The following ANKMY1 variants were observed in gnomAD, a reference collection of about 807,000 sequenced individuals.
The protein encoded by ANKMY1 is ankyrin repeat and MYND domain-containing protein 1.
ANKMY1 carries 98 observed loss-of-function variants against 102.0 expected under a neutral mutation model. The ratio of observed to expected loss-of-function variants is 0.96; its 90% confidence interval spans 0.82 to 1.14. The LOEUF (loss-of-function observed/expected upper bound fraction) is 1.14, where lower values mean the gene tolerates loss of function less well. Among genes scored for constraint, ANKMY1 ranks in the 50% most tolerant of loss-of-function variants. The pLI, the probability that ANKMY1 is intolerant of heterozygous loss-of-function variation, is 0.00. For missense variants in ANKMY1, 1,330 were observed against 1,347.6 expected, an observed-to-expected ratio of 0.99 and a Z score of 0.20; for synonymous variants, 582 against 559.9, an observed-to-expected ratio of 1.04 and a Z score of -0.56.
upstream of ANKMY1, chr2:240,560,781 G>C: frequency 6.9e-7 from 1 of 1,459,456 alleles, no homozygotes; most frequent in Non-Finnish European, 9.0e-7. Flanking sequence ...GAGCGCGCGA[G>C]CCGCGGGCGC....
intron 15 of ANKMY1, among the ~76,000 whole-genome samples, chr2:240,482,900 A>G (rs1459202361): frequency 3.3e-5 from 5 of 151,950 alleles, no homozygotes; most frequent in African/African-American, 1.2e-4. Context: ...GACATTTCTG[A>G]CTATTATTGT....
rs1400426906 is a variant in ANKMY1 at position 240,555,280 on chromosome 2, G to A, written c.147-225C>T. On this transcript the variant is annotated intron_variant, in intron 2 of 17. Coordinates refer to ENST00000401804, the MANE Select transcript of ANKMY1 (RefSeq NM_001282771.3). ...TGGAATGCACAGTAAGGCTGCCAAC[G>A]GATAGGAGAGATGCTGCCAGGCTCT... 17 of 570,644 alleles carry A rather than the reference G, an allele frequency of 3.0e-5. No homozygotes were observed. The East Asian group carries it at 3.4e-4, about 12-fold the overall frequency. 35.3% of individuals were successfully genotyped at this position (570,644 alleles called of 1,614,324 possible). A position where few individuals can be genotyped will look rare whatever the true frequency, so the allele number is the denominator to read the frequency against.
intron 11 of ANKMY1, among the ~76,000 whole-genome samples, chr2:240,511,279 G>A (rs1250674802): frequency 6.6e-6 from 1 of 152,190 alleles, no homozygotes; most frequent in Non-Finnish European, 1.5e-5. Flanking sequence ...TTTGTAAGTG[G>A]GTAAACTGAG....
Position 240,553,018 on chromosome 2 carries a change from G to C in ANKMY1, c.376C>G (p.Leu126Val). 3 of 1,614,046 alleles carry C rather than the reference G, an allele frequency of 1.9e-6. No homozygotes were observed. Among genetic ancestry groups the C allele is most frequent in the Non-Finnish European group, 2.5e-6 (3 of 1,180,014 alleles). ...CCATCTGGCCACATGTAGGTACCCA[G>C]GCCATGGCAGTGGTCCCGGTAAAAC... ...GQFYRDHCHG[L>V]GTYMWPDGSS... The change falls in exon 4 of 18, where the codon CTG (leucine) becomes GTG (valine). Residue 126 changes from leucine to valine, a missense_variant. Transcript: ENST00000401804.
At chr2:240,484,375 C>T (rs532401433) in intron 15 of ANKMY1, among the ~76,000 whole-genome samples, 61 of 152,290 alleles carry the variant, frequency 4.0e-4, no homozygotes, top group Non-Finnish European at 7.6e-4. Flanking sequence ...TGGAACAGAA[C>T]AGAGGCCTCA....
chr2:240,479,464 G>T lies in ANKMY1; in HGVS notation c.*145C>A. Reference sequence around the variant, plus strand: ...CGTGGGGCCAATTTATTGCGAGGTCGCAAGGGAGACACTGCTACAAAGCAT... The same window carrying T: ...CGTGGGGCCAATTTATTGCGAGGTCTCAAGGGAGACACTGCTACAAAGCAT... On this transcript the variant is annotated 3_prime_UTR_variant, in exon 18 of 18. Coordinates refer to ENST00000401804, the MANE Select transcript of ANKMY1 (RefSeq NM_001282771.3). 1 of 988,082 alleles carries T rather than the reference G, an allele frequency of 1.0e-6. No individual in the cohort carries two copies. 61.2% of individuals were successfully genotyped at this position (988,082 alleles called of 1,614,324 possible).
rs2091572288 is a variant in ANKMY1 at position 240,551,787 on chromosome 2, AG to A, written c.480+1126del. Among the ~76,000 whole-genome samples, 4 of 152,320 alleles carry A rather than the reference AG, an allele frequency of 2.6e-5. No homozygotes were observed. The South Asian group carries it at 8.3e-4, about 32-fold the overall frequency. ...ATGGTTGAGGAACTGATAAACAAAA[AG>A]GGGGGACTGAAACCAGCCCAGTAAT... is the stretch of plus-strand genomic sequence containing the variant. On this transcript the variant is annotated intron_variant, in intron 4 of 17. Coordinates refer to ENST00000401804, the MANE Select transcript of ANKMY1 (RefSeq NM_001282771.3).
intron 10 of ANKMY1, 55 bp downstream of exon 10, chr2:240,512,747 T>C: frequency 6.4e-7 from 1 of 1,560,066 alleles, no homozygotes; most frequent in Non-Finnish European, 8.7e-7. Context: ...TGTGAATCCA[T>C]CCAGGCACAC....
intron 4 of ANKMY1, among the ~76,000 whole-genome samples, chr2:240,535,465 T>G (rs1225997873): frequency 6.6e-6 from 1 of 152,160 alleles, no homozygotes; most frequent in African/African-American, 2.4e-5. Flanking sequence ...GCCTGGCTCT[T>G]AGGTGATTAT....
In ANKMY1 at chr2:240,507,083, A is replaced by T. The variant is rs543651796; in HGVS notation, c.2526+477T>A. On this transcript the variant is annotated intron_variant, in intron 13 of 17. Transcript: ENST00000401804. ...CCTGAATCTTGTTTTCACCGAGACA[A>T]ATTTCAGGGAACTTTTTTGTCTGGT... Among the ~76,000 whole-genome samples, 31 of 152,144 alleles carry T rather than the reference A, an allele frequency of 2.0e-4. No homozygotes were observed. The South Asian group carries it at 5.0e-3, about 24-fold the overall frequency.
intron 12 of ANKMY1, among the ~76,000 whole-genome samples, chr2:240,508,539 T>G (rs1313330880): frequency 1.3e-5 from 2 of 152,228 alleles, no homozygotes; most frequent in Non-Finnish European, 2.9e-5. Flanking sequence ...TAAAGTAGCC[T>G]GCCTTCCCAT....
intron 12 of ANKMY1, among the ~76,000 whole-genome samples, chr2:240,508,603 T>C (rs1267781729): frequency 6.6e-6 from 1 of 152,256 alleles, no homozygotes; most frequent in African/African-American, 2.4e-5. Context: ...TGTCATTTCC[T>C]GAAACTGTGT....
In ANKMY1 at chr2:240,537,716, T is replaced by C. The variant is rs956336989; in HGVS notation, c.481-8207A>G. On this transcript the variant is annotated intron_variant, in intron 4 of 17. Transcript: ENST00000401804. ...ATGTCTATAATGGTGTCAAATCAAG[T>C]GTAGCCTCAAGCTGCCTCCTTACCT... 6.6e-5 allele frequency among the ~76,000 whole-genome samples: 10 copies of C among 152,328 alleles called. 1 individual carries two copies. The highest frequency in any genetic ancestry group is 6.2e-4 in the South Asian group (3 of 4,824).
chr2:240,525,852 G>A lies in ANKMY1; in HGVS notation c.1171-3C>T. On this transcript the variant is annotated splice_polypyrimidine_tract_variant and splice_region_variant and intron_variant, in intron 6 of 17. Coordinates refer to ENST00000401804, the MANE Select transcript of ANKMY1 (RefSeq NM_001282771.3). ...ACAATGTCGTTGTGGCAGTGAGTCT[G>A]GAGGGAGATGAGGCAGGACTCAGGA... The A allele has an allele frequency of 6.2e-7, 1 of 1,613,686 alleles. No individual in the cohort carries two copies. Among genetic ancestry groups the A allele is most frequent in the Non-Finnish European group, 8.5e-7 (1 of 1,179,812 alleles).
chr2:240,517,939 C>A (rs568084402), intron 9 of ANKMY1, among the ~76,000 whole-genome samples: 1 of 152,160 alleles, frequency 6.6e-6, no homozygotes, highest in East Asian at 1.9e-4. Flanking sequence ...AGAAAGATTG[C>A]ATTTTAGAAA....
At chr2:240,498,189 G>T (rs1021295009) in intron 15 of ANKMY1, among the ~76,000 whole-genome samples, 2 of 151,114 alleles carry the variant, frequency 1.3e-5, no homozygotes, top group Non-Finnish European at 3.0e-5. Context: ...TTTGTGTTGG[G>T]GGGGGACATA....
chr2:240,494,509 T>C (rs1191898784), intron 15 of ANKMY1, among the ~76,000 whole-genome samples: 1 of 152,154 alleles, frequency 6.6e-6, no homozygotes, highest in Non-Finnish European at 1.5e-5. Context: ...TGTGGGAGCA[T>C]ACCTGGCTTG....
chr2:240,551,107 C>G (rs1000668875), intron 4 of ANKMY1, among the ~76,000 whole-genome samples: 2 of 151,682 alleles, frequency 1.3e-5, no homozygotes, highest in African/African-American at 4.8e-5. Context: ...AGGGCAGGAG[C>G]TGACTGCATG....
chr2:240,552,565 GA>G (rs566668261), intron 4 of ANKMY1, among the ~76,000 whole-genome samples: 44 of 152,286 alleles, frequency 2.9e-4, no homozygotes, highest in Admixed American at 2.3e-3. Context: ...ATAAAAGGGG[GA>G]AAGGCATCTG....
Sources: gnomAD v4.1 joint callset for allele counts (sites outside exome capture counted in the v4.1 genomes callset) on GRCh38, gnomAD v4.1.1 for gene constraint, MANE v1.5 for transcripts, NCBI Gene and HGNC (gene_info 2026-07-23, HGNC 2026-07-21) for gene names.